DCDC1: variants seen among roughly 807,000 people sequenced by gnomAD.
DCDC1 encodes doublecortin domain-containing protein 1.
Under a neutral mutation model 178.3 loss-of-function variants are expected in DCDC1, and 200 were observed. The ratio of observed to expected loss-of-function variants is 1.12; its 90% CI spans 1.00 to 1.26. The LOEUF (loss-of-function observed/expected upper bound fraction) is 1.26. Ranked by LOEUF, DCDC1 falls within the 50% of genes most tolerant of loss-of-function variation. DCDC1 has a pLI of 0.00. For synonymous variants in DCDC1, 690 were observed against 604.8 expected (o/e 1.14, Z -2.07); for missense variants, 1,983 against 1,749.2 (o/e 1.13, Z -2.38).
intron 20 of DCDC1, among the ~76,000 whole-genome samples, chr11:30,974,101 A>G (rs1409348530): frequency 2.0e-5 from 3 of 152,128 alleles, no homozygotes; most frequent in Non-Finnish European, 4.4e-5. Flanking sequence ...TTGAAACTAC[A>G]AATACATAGA....
chr11:31,209,366 G>T (rs867651858), intron 9 of DCDC1, among the ~76,000 whole-genome samples: 1 of 152,188 alleles, frequency 6.6e-6, no homozygotes, highest in South Asian at 2.1e-4. Flanking sequence ...TCTGAGAGGG[G>T]AAGTAAAACC....
At chr11:31,104,180 T>C (rs1328463199) in intron 13 of DCDC1, among the ~76,000 whole-genome samples, 1 of 152,136 alleles carries the variant, frequency 6.6e-6, no homozygotes, top group African/African-American at 2.4e-5. Context: ...GTGAGCTCAC[T>C]AAATGCCATG....
chr11:31,295,184 A>T (rs1947600971), intron 6 of DCDC1, among the ~76,000 whole-genome samples: 1 of 152,212 alleles, frequency 6.6e-6, no homozygotes, highest in African/African-American at 2.4e-5. Context: ...AATGCCTAAT[A>T]CAATGTGAAT....
intron 38 of DCDC1, among the ~76,000 whole-genome samples, chr11:30,869,816 GC>G (rs1378085466): frequency 6.6e-6 from 1 of 152,162 alleles, no homozygotes; most frequent in African/African-American, 2.4e-5. Flanking sequence ...GATTCCAAAG[GC>G]CTTTGGGCAC....
In DCDC1 at chr11:31,065,159, A is replaced by T; in HGVS notation, c.2299-6T>A. ...AGAACAAACTGAGGATAAGCCTGTA[A>T]GAAAGGAAAAAATAACAAGTAGTAT... On this transcript the variant is annotated splice_region_variant and splice_polypyrimidine_tract_variant and intron_variant, in intron 18 of 38. Transcript: ENST00000684477. 1.4e-6 allele frequency: 1 copy of T among 740,550 alleles called. No individual in the cohort carries two copies. The highest frequency in any genetic ancestry group is 2.4e-5 in the East Asian group (1 of 40,842). 45.9% of individuals were successfully genotyped at this position (740,550 alleles called of 1,614,324 possible).
chr11:31,214,193 A>C (rs1973236749), intron 9 of DCDC1, among the ~76,000 whole-genome samples: 1 of 152,186 alleles, frequency 6.6e-6, no homozygotes, highest in African/African-American at 2.4e-5. Flanking sequence ...TGCAAACAAT[A>C]TGTCTCCATA....
At position 30,952,559 on chromosome 11, in the gene DCDC1, T is replaced by C; in HGVS notation, c.2601A>G (p.Ile867Met). The C allele has an allele frequency of 7.2e-7, 1 of 1,381,836 alleles. No homozygotes were observed. The highest frequency in any genetic ancestry group is 1.0e-6 in the Non-Finnish European group (1 of 993,994). 85.6% of individuals were successfully genotyped at this position (1,381,836 alleles called of 1,614,324 possible). ...HPKASAQRWA[I>M]KHEGTSKPGQ... is the part of the protein sequence containing the mutation. ...CTGGCTTACTGGTTCCTTCATGTTT[T>C]ATGGCCCACCTAAAACAAAAGATAA... The change falls in exon 21 of 39, where the codon ATA becomes ATG. Residue 867 changes from isoleucine (I) to methionine (M), a missense_variant. Transcript: ENST00000684477.
intron 20 of DCDC1, among the ~76,000 whole-genome samples, chr11:31,019,652 C>A (rs1246566442): frequency 2.0e-5 from 3 of 152,078 alleles, no homozygotes; most frequent in Non-Finnish European, 4.4e-5. Flanking sequence ...AAAATTAGAT[C>A]ATGTCACGCC....
intron 1 of DCDC1, among the ~76,000 whole-genome samples, chr11:31,367,782 T>C (rs1952038564): frequency 6.6e-6 from 1 of 152,240 alleles, no homozygotes; most frequent in South Asian, 2.1e-4. Context: ...ATTATATTTC[T>C]ATTGGAAAGT....
intron 28 of DCDC1, among the ~76,000 whole-genome samples, chr11:30,910,774 A>C (rs1457195817): frequency 6.6e-6 from 1 of 152,192 alleles, no homozygotes; most frequent in African/African-American, 2.4e-5. Flanking sequence ...ATGAAGCCAG[A>C]CTTCTCTGGA....
chr11:31,149,681 C>T (rs1437852718), intron 9 of DCDC1, among the ~76,000 whole-genome samples: 3 of 152,054 alleles, frequency 2.0e-5, no homozygotes, highest in Non-Finnish European at 2.9e-5. Context: ...ACCGAGACAA[C>T]GAACCTACCA....
rs141444445 is a variant in DCDC1, at chr11:31,086,727, C to T, written c.2237+4666G>A. Among the ~76,000 whole-genome samples the T allele has an allele frequency of 4.2e-3, 640 of 152,208 alleles. 3 individuals are homozygous for T. The highest frequency in any genetic ancestry group is 0.018 in the South Asian group (87 of 4,824). On this transcript the variant is annotated intron_variant, in intron 17 of 38. Transcript: ENST00000684477. ...TCATTTAGAGCTAATTATTCTTAAG[C>T]TATTCTTGCACTCCTGGGATAAACC...
At chr11:31,353,242 C>G (rs953676123) in intron 1 of DCDC1, among the ~76,000 whole-genome samples, 4 of 152,166 alleles carry the variant, frequency 2.6e-5, no homozygotes, top group South Asian at 2.1e-4. Context: ...CCTAATACTT[C>G]GCAAAATTCT....
At chr11:31,171,392 G>A (rs1334430131) in intron 9 of DCDC1, among the ~76,000 whole-genome samples, 3 of 152,016 alleles carry the variant, frequency 2.0e-5, no homozygotes, top group Non-Finnish European at 4.4e-5. Flanking sequence ...TACAAAAACA[G>A]GCTACAGGCT....
At chr11:30,955,609 C>A (rs1343609091) in intron 20 of DCDC1, among the ~76,000 whole-genome samples, 1 of 152,120 alleles carries the variant, frequency 6.6e-6, no homozygotes, top group African/African-American at 2.4e-5. Context: ...CTTTCACCAC[C>A]ACCTCCTTTT....
chr11:31,322,431 G>A (rs547307482), intron 3 of DCDC1, among the ~76,000 whole-genome samples: 2 of 152,132 alleles, frequency 1.3e-5, no homozygotes, highest in East Asian at 1.9e-4. Context: ...AGTATCCTAC[G>A]ATCAGCTCCA....
At chr11:30,984,877 GA>G (rs1412302751) in intron 20 of DCDC1, among the ~76,000 whole-genome samples, 6 of 152,186 alleles carry the variant, frequency 3.9e-5, no homozygotes, top group African/African-American at 1.4e-4. Context: ...TGGAGAAGGA[GA>G]AAACTGGGAA....
At position 31,290,722 on chromosome 11, in the gene DCDC1, G is replaced by C. The variant is rs1386443730; in HGVS notation, c.885C>G (p.Val295=). 6.2e-7 allele frequency: 1 copy of C among 1,613,454 alleles called. No homozygotes were observed. The highest frequency in any genetic ancestry group is 2.2e-5 in the East Asian group (1 of 44,842). Residue 295 remains valine, a synonymous_variant, in exon 7 of 39, where the codon GTC becomes GTG. Transcript: ENST00000684477. The part of the protein sequence containing the change: ...RMKKLTERTS[V]RILFFKNGMG... ...TGCCATTCTTAAAGAACAGAATTCG[G>C]ACTGAGGTCCTCTCAGTAAGTTTCT...
chr11:31,331,839 C>CT (rs373120029), intron 2 of DCDC1, among the ~76,000 whole-genome samples: 61,630 of 151,714 alleles, frequency 0.41, 13,190 homozygotes, highest in African/African-American at 0.53. Context: ...CTAAAATTCT[C>CT]TTTTTTTTGT....
Sources: gnomAD v4.1 joint callset for allele counts (sites outside exome capture counted in the v4.1 genomes callset) on GRCh38, gnomAD v4.1.1 for gene constraint, MANE v1.5 for transcripts, NCBI Gene and HGNC (gene_info 2026-07-23, HGNC 2026-07-21) for gene names.